SHC4: variants seen among roughly 807,000 people sequenced by gnomAD.
The protein encoded by SHC4 is SHC adaptor protein 4.
Under a neutral mutation model 69.4 loss-of-function variants are expected in SHC4, and 41 were observed. That is an observed-to-expected ratio of 0.59 (90% CI 0.46 to 0.77). The LOEUF is 0.77. SHC4 is among the 30% of genes least tolerant of loss of function. The pLI, the probability that SHC4 is intolerant of heterozygous loss-of-function variation, is 0.00. For missense variants in SHC4, 777 were observed against 783.8 expected (o/e 0.99, Z 0.10); for synonymous variants, 318 against 299.3 (o/e 1.06, Z -0.64).
At chr15:48,829,256 G>A (rs1336874664) in intron 11 of SHC4, among the ~76,000 whole-genome samples, 1 of 152,084 alleles carries the variant, frequency 6.6e-6, no homozygotes, top group Non-Finnish European at 1.5e-5. Flanking sequence ...GATCCACTTG[G>A]TCCATAGTGT....
chr15:48,923,311 G>T (rs750702626), intron 2 of SHC4, among the ~76,000 whole-genome samples: 3 of 152,192 alleles, frequency 2.0e-5, no homozygotes, highest in Non-Finnish European at 4.4e-5. Flanking sequence ...AGAACTTTGG[G>T]AGTCCAAGGC....
chr15:48,911,956 G>T (rs1281859866), intron 2 of SHC4, among the ~76,000 whole-genome samples: 2 of 152,172 alleles, frequency 1.3e-5, no homozygotes, highest in Non-Finnish European at 2.9e-5. Flanking sequence ...GGTTTCTGCT[G>T]AGAAATCTTC....
At chr15:48,828,529 G>C (rs1363785456) in intron 11 of SHC4, among the ~76,000 whole-genome samples, 1 of 152,160 alleles carries the variant, frequency 6.6e-6, no homozygotes, top group African/African-American at 2.4e-5. Context: ...AAGTGAGGTT[G>C]CTAGATCATA....
At chr15:48,937,288 C>T (rs900405370) in intron 1 of SHC4, among the ~76,000 whole-genome samples, 1 of 152,066 alleles carries the variant, frequency 6.6e-6, no homozygotes, top group African/African-American at 2.4e-5. Flanking sequence ...TCTCAAACTC[C>T]TCACTTCAAG....
rs776002204 is a variant in SHC4 at position 48,856,084 on chromosome 15, C to T, written c.1111G>A (p.Asp371Asn). ...HIDSHAEEREDHEYYNEIPGK... is the reference protein window; with the variant it reads ...HIDSHAEERENHEYYNEIPGK... Reference sequence around the variant, plus strand: ...GGAATTTCATTGTAATATTCATGATCTTCTCTCTCCTCGGCATGGCTATCA... The same window carrying T: ...GGAATTTCATTGTAATATTCATGATTTTCTCTCTCCTCGGCATGGCTATCA... Residue 371 changes from aspartate to asparagine, a missense_variant, in exon 8 of 12, where the codon GAT becomes AAT. Transcript: ENST00000332408. The T allele has an allele frequency of 6.2e-7, 1 of 1,613,740 alleles. No homozygotes were observed. Among genetic ancestry groups the T allele is most frequent in the Non-Finnish European group, 8.5e-7 (1 of 1,179,766 alleles).
chr15:48,858,408 T>A (rs1404618630), intron 6 of SHC4, among the ~76,000 whole-genome samples: 1 of 152,122 alleles, frequency 6.6e-6, no homozygotes, highest in African/African-American at 2.4e-5. Flanking sequence ...AAAAGTGTCT[T>A]CAATAAGCAT....
chr15:48,877,996 C>T (rs899234431), intron 4 of SHC4: 22 of 654,556 alleles, frequency 3.4e-5, no homozygotes, highest in Non-Finnish European at 5.0e-5. Context: ...CGCCAACACC[C>T]CGGAGAAAAC....
chr15:48,878,490 G>C (rs780719516), intron 4 of SHC4: 1 of 1,614,000 alleles, frequency 6.2e-7, no homozygotes, highest in Non-Finnish European at 8.5e-7. Flanking sequence ...TTTGATGACT[G>C]GGAGGACGAC....
chr15:48,862,279 A>T (rs1039634772), intron 6 of SHC4, among the ~76,000 whole-genome samples: 1 of 151,734 alleles, frequency 6.6e-6, no homozygotes, highest in Non-Finnish European at 1.5e-5. Flanking sequence ...AGTCCTATTC[A>T]CAGACTAGAT....
chr15:48,842,286 G>A (rs1305954155), intron 10 of SHC4, among the ~76,000 whole-genome samples: 1 of 152,128 alleles, frequency 6.6e-6, no homozygotes, highest in Non-Finnish European at 1.5e-5. Flanking sequence ...GACTTATTAA[G>A]GGGTTTTGAA....
At chr15:48,837,875 G>A (rs1266418214) in intron 10 of SHC4, among the ~76,000 whole-genome samples, 3 of 152,048 alleles carry the variant, frequency 2.0e-5, no homozygotes, top group African/African-American at 7.2e-5. Flanking sequence ...AATCTAACAC[G>A]CAAAATCTGG....
At chr15:48,899,527 C>T (rs1363329374) in intron 2 of SHC4, among the ~76,000 whole-genome samples, 2 of 150,948 alleles carry the variant, frequency 1.3e-5, no homozygotes, top group African/African-American at 4.9e-5. Context: ...ATACAGGTGT[C>T]TATATTACTG....
intron 1 of SHC4, among the ~76,000 whole-genome samples, chr15:48,935,593 T>C (rs1312300011): frequency 6.6e-6 from 1 of 152,214 alleles, no homozygotes; most frequent in Non-Finnish European, 1.5e-5. Flanking sequence ...GAAGTTAAGC[T>C]GGCCAAAGCC....
At chr15:48,875,932 C>G (rs149786262) in intron 4 of SHC4, among the ~76,000 whole-genome samples, 2 of 152,182 alleles carry the variant, frequency 1.3e-5, no homozygotes, top group East Asian at 3.8e-4. Flanking sequence ...GCCCTTAACT[C>G]ACATCTGTTT....
At chr15:48,957,308 C>A (rs906730395) in intron 1 of SHC4, among the ~76,000 whole-genome samples, 1 of 152,038 alleles carries the variant, frequency 6.6e-6, no homozygotes, top group Non-Finnish European at 1.5e-5. Context: ...GAAAATGAGG[C>A]CCACAGAGGT....
At chr15:48,910,880 G>T (rs990529697) in intron 2 of SHC4, among the ~76,000 whole-genome samples, 2 of 152,142 alleles carry the variant, frequency 1.3e-5, no homozygotes, top group Admixed American at 6.5e-5. Flanking sequence ...GGTTTTGAAG[G>T]TTCCTTTTGG....
intron 1 of SHC4, among the ~76,000 whole-genome samples, chr15:48,949,623 T>C (rs1324924022): frequency 1.3e-5 from 2 of 152,054 alleles, no homozygotes; most frequent in East Asian, 3.8e-4. Flanking sequence ...TTAAGACTTG[T>C]TATAATCTGG....
chr15:48,908,011 G>A (rs1465653066), intron 2 of SHC4, among the ~76,000 whole-genome samples: 1 of 152,096 alleles, frequency 6.6e-6, no homozygotes, highest in Non-Finnish European at 1.5e-5. Context: ...TAGATAGAAG[G>A]GAAAGTTGAG....
chr15:48,942,059 A>C (rs1382195379), intron 1 of SHC4, among the ~76,000 whole-genome samples: 1 of 152,196 alleles, frequency 6.6e-6, no homozygotes, highest in African/African-American at 2.4e-5. Flanking sequence ...TGGCAATGCT[A>C]TGAAGATGGA....
Sources: gnomAD v4.1 joint callset for allele counts (sites outside exome capture counted in the v4.1 genomes callset) on GRCh38, gnomAD v4.1.1 for gene constraint, MANE v1.5 for transcripts, NCBI Gene and HGNC (gene_info 2026-07-23, HGNC 2026-07-21) for gene names.